Variants in KAZN observed in about 807,000 individuals in gnomAD.
The protein encoded by KAZN is kazrin, periplakin interacting protein, also known as kazrin.
In KAZN, 40 loss-of-function variants were observed where a neutral mutation model predicts 87.4. The ratio of observed to expected loss-of-function variants is 0.46; its 90% CI spans 0.36 to 0.60. The LOEUF (loss-of-function observed/expected upper bound fraction) is 0.60, where lower values mean the gene tolerates loss of function less well. Ranked by LOEUF, KAZN falls within the 20% of genes least tolerant of loss-of-function variation. KAZN has a pLI of 0.00. For missense variants in KAZN, 898 were observed against 1,073.9 expected (o/e 0.84, Z 2.29); for synonymous variants, 466 against 458.3 (o/e 1.02, Z -0.22).
chr1:14,478,265 G>GGAAA (rs1319708158), intron 2 of KAZN, among the ~76,000 whole-genome samples: 4 of 140,116 alleles, frequency 2.9e-5, no homozygotes, highest in Admixed American at 1.5e-4. Context: ...AAGGAAGGAA[G>GGAAA]GAAGGAAGAA....
chr1:14,888,835 C>T (rs1036051573), intron 1 of KAZN, among the ~76,000 whole-genome samples: 3 of 152,104 alleles, frequency 2.0e-5, no homozygotes, highest in Non-Finnish European at 4.4e-5. Context: ...CCGCCAGGAC[C>T]CAGGCTGATC....
rs758184516 is a variant in KAZN, at chr1:15,056,167, T to C, written c.803T>C (p.Leu268Pro). 2.5e-6 allele frequency: 4 copies of C among 1,614,054 alleles called. No individual in the cohort carries two copies. The highest frequency in any genetic ancestry group is 3.4e-6 in the Non-Finnish European group (4 of 1,180,024). The change falls in exon 5 of 15, where the codon CTC (leucine) becomes CCC (proline). Residue 268 changes from leucine (L) to proline (P), a missense_variant. This residue lies in a region of KAZN where 521 missense variants were observed against 689.4 expected (regional missense o/e 0.76). Coordinates refer to ENST00000376030, the MANE Select transcript of KAZN (RefSeq NM_201628.3). The surrounding 1 kb of genome is among the most constrained non-coding windows in gnomAD (Gnocchi z 5.4). ...CTCGCCATGCCGGGCGAGACGGTGCTCAATGGCAACCAGGAGTGGGTGGTG... is the reference window on the plus strand; with the variant it reads ...CTCGCCATGCCGGGCGAGACGGTGCCCAATGGCAACCAGGAGTGGGTGGTG... ...HSLAMPGETVLNGNQEWVVQA... is the reference protein window; with the variant it reads ...HSLAMPGETVPNGNQEWVVQA...
rs1243926358 is a variant in KAZN, at chr1:14,347,878, CTTTTTCTTTTT to C, written c.249+167299_249+167309del. 5.7e-5 allele frequency among the ~76,000 whole-genome samples: 8 copies of C among 139,482 alleles called. No homozygotes were observed. The East Asian group carries it at 9.0e-4, about 16-fold the overall frequency. The allele number at this position is 139,482 out of a possible 152,430, so 91.5% of individuals were successfully genotyped here. A position where few individuals can be genotyped will look rare whatever the true frequency, so the allele number is the denominator to read the frequency against. On this transcript the variant is annotated intron_variant, in intron 2 of 16. Coordinates refer to the KAZN transcript ENST00000636203. ...TATACTACTATTTTTTTTCTTTTTT[CTTTTTCTTTTT>C]TTTTTCTTTTTTAGAGTCAGTGTCT...
intron 1 of KAZN, among the ~76,000 whole-genome samples, chr1:14,135,371 G>A (rs1645086590): frequency 6.6e-6 from 1 of 152,204 alleles, no homozygotes; most frequent in Non-Finnish European, 1.5e-5. Flanking sequence ...CTTAGTCTTA[G>A]CGAGGCTTTG....
intron 2 of KAZN, among the ~76,000 whole-genome samples, chr1:14,972,994 A>G (rs975952470): frequency 6.6e-6 from 1 of 151,916 alleles, no homozygotes; most frequent in African/African-American, 2.4e-5. Flanking sequence ...TGAGCATGCC[A>G]TATGCCTTCT....
At chr1:14,337,701 C>CA (rs1257545538) in intron 2 of KAZN, among the ~76,000 whole-genome samples, 2 of 152,082 alleles carry the variant, frequency 1.3e-5, no homozygotes, top group Non-Finnish European at 2.9e-5. Context: ...CGAGACCAGC[C>CA]TGGCCAGCAT....
intron 1 of KAZN, among the ~76,000 whole-genome samples, chr1:14,754,198 G>GGT (rs1189540605): frequency 6.6e-6 from 1 of 152,204 alleles, no homozygotes; most frequent in East Asian, 1.9e-4. Flanking sequence ...GCCCACCCTG[G>GGT]GCTTTCTGCC....
intron 2 of KAZN, among the ~76,000 whole-genome samples, chr1:14,267,281 C>A (rs1651558876): frequency 6.7e-6 from 1 of 148,822 alleles, no homozygotes. Flanking sequence ...GGTGTCCAAA[C>A]TTTTGGCTTC....
chr1:14,403,119 C>A (rs1013621411), intron 2 of KAZN, among the ~76,000 whole-genome samples: 2 of 152,164 alleles, frequency 1.3e-5, no homozygotes, highest in Non-Finnish European at 2.9e-5. Flanking sequence ...AGCCACCACA[C>A]CCAACCTGCA....
intron 1 of KAZN, among the ~76,000 whole-genome samples, chr1:14,766,155 A>G (rs529171450): frequency 6.6e-6 from 1 of 152,290 alleles, no homozygotes; most frequent in South Asian, 2.1e-4. Flanking sequence ...GGGCAACTGG[A>G]GCCAGTCCTG....
intron 2 of KAZN, among the ~76,000 whole-genome samples, chr1:14,356,519 G>C (rs1417940470): frequency 6.6e-6 from 1 of 151,926 alleles, no homozygotes; most frequent in Non-Finnish European, 1.5e-5. Context: ...GTCCTGAATG[G>C]GATTGCCTAG....
intron 2 of KAZN, among the ~76,000 whole-genome samples, chr1:14,188,203 G>A (rs1646350623): frequency 8.0e-6 from 1 of 124,300 alleles, no homozygotes; most frequent in African/African-American, 2.8e-5. Context: ...GCGTGTGTGT[G>A]TGTGTGTGTG....
rs77227441 is a variant in KAZN at position 14,043,866 on chromosome 1, T to G, written c.92-136569T>G. 7.7e-3 allele frequency among the ~76,000 whole-genome samples: 1,175 copies of G among 152,248 alleles called. 67 individuals are homozygous for G. The East Asian group carries it at 0.14, about 18-fold the overall frequency. The stretch of plus-strand genomic sequence containing the variant: ...TAAAGGGACTAAGAGGCAGAGCCAG[T>G]GTTCCAATTATATATCAGTGTATAA... On this transcript the variant is annotated intron_variant, in intron 1 of 16. Transcript: ENST00000636203.
chr1:14,707,274 T>G (rs1642258818), intron 1 of KAZN, among the ~76,000 whole-genome samples: 1 of 152,174 alleles, frequency 6.6e-6, no homozygotes, highest in African/African-American at 2.4e-5. Flanking sequence ...CAGGTGAGGA[T>G]GCTGCATTTG....
intron 1 of KAZN, among the ~76,000 whole-genome samples, chr1:13,917,045 T>C (rs1379363235): frequency 6.6e-6 from 1 of 152,206 alleles, no homozygotes; most frequent in East Asian, 1.9e-4. Flanking sequence ...TATGCCAAGA[T>C]AGCCAGGCTT....
chr1:14,556,356 G>A (rs1351298193), intron 2 of KAZN, among the ~76,000 whole-genome samples: 4 of 151,984 alleles, frequency 2.6e-5, no homozygotes, highest in African/African-American at 4.8e-5. Flanking sequence ...TGATCCACAC[G>A]CCTCGGCCAC....
chr1:14,574,743 G>C (rs1675076386), intron 2 of KAZN, among the ~76,000 whole-genome samples: 1 of 152,170 alleles, frequency 6.6e-6, no homozygotes, highest in Non-Finnish European at 1.5e-5. Context: ...CTTAGGCACT[G>C]AGCATGCAAA....
intron 1 of KAZN, among the ~76,000 whole-genome samples, chr1:14,130,701 C>T (rs542190405): frequency 6.6e-6 from 1 of 152,248 alleles, no homozygotes; most frequent in African/African-American, 2.4e-5. Flanking sequence ...GATTCCTCCT[C>T]AGTGAGAATG....
intron 2 of KAZN, among the ~76,000 whole-genome samples, chr1:14,390,109 G>A (rs1202042205): frequency 1.3e-5 from 2 of 151,686 alleles, no homozygotes; most frequent in African/African-American, 4.8e-5. Flanking sequence ...TTTTCCATTT[G>A]CAAAAACAAA....
Sources: allele counts gnomAD v4.1 joint callset (sites outside exome capture counted in the v4.1 genomes callset), GRCh38; gene constraint gnomAD v4.1.1; regional missense constraint gnomAD v4.1.1; non-coding constraint Gnocchi (gnomAD v3.1); transcripts MANE v1.5; gene names NCBI Gene and HGNC (gene_info 2026-07-23, HGNC 2026-07-21).